Variants in KCNH1 observed in about 807,000 individuals in gnomAD.
KCNH1 encodes the protein voltage-gated delayed rectifier potassium channel KCNH1.
Under a neutral mutation model 69.2 loss-of-function variants are expected in KCNH1, and 27 were observed. That is an observed-to-expected ratio of 0.39 (90% CI 0.29 to 0.54). The LOEUF is 0.54. Among genes scored for constraint, KCNH1 ranks in the 20% least tolerant of loss-of-function variants. KCNH1 has a pLI of 0.68. For synonymous variants in KCNH1, 456 were observed against 487.7 expected, an observed-to-expected ratio of 0.93 and a Z score of 0.86; for missense variants, 798 against 1,261.6, an observed-to-expected ratio of 0.63 and a Z score of 5.57.
chr1:211,065,375 G>A (rs1281511138), intron 5 of KCNH1, among the ~76,000 whole-genome samples: 2 of 152,160 alleles, frequency 1.3e-5, no homozygotes, highest in African/African-American at 2.4e-5. Flanking sequence ...AGTGAAATAA[G>A]TCAAGCCCAG....
At chr1:210,841,029 C>G (rs1474844483) in intron 7 of KCNH1, among the ~76,000 whole-genome samples, 1 of 152,074 alleles carries the variant, frequency 6.6e-6, no homozygotes, top group Non-Finnish European at 1.5e-5. Context: ...TGGGGCAAAA[C>G]AGAGCGGTAG....
At chr1:211,091,532 A>G (rs555410700) in intron 3 of KCNH1, among the ~76,000 whole-genome samples, 1 of 152,294 alleles carries the variant, frequency 6.6e-6, no homozygotes, top group African/African-American at 2.4e-5. Flanking sequence ...TACAATGGTA[A>G]ATGACAAGGC....
intron 10 of KCNH1, among the ~76,000 whole-genome samples, chr1:210,706,742 C>T (rs879339401): frequency 2.6e-5 from 4 of 152,260 alleles, no homozygotes; most frequent in East Asian, 1.9e-4. Flanking sequence ...ACTAGCAATT[C>T]GTGCTAAGAA....
intron 9 of KCNH1, among the ~76,000 whole-genome samples, chr1:210,784,422 C>T (rs995049226): frequency 3.3e-5 from 5 of 152,194 alleles, no homozygotes; most frequent in African/African-American, 1.2e-4. Flanking sequence ...ATCTCATCAA[C>T]TTGTTTTCGC....
At chr1:211,005,573 C>T (rs900413466) in intron 6 of KCNH1, among the ~76,000 whole-genome samples, 5 of 152,058 alleles carry the variant, frequency 3.3e-5, no homozygotes, top group Non-Finnish European at 4.4e-5. Context: ...AAAAATAAAA[C>T]TTGATCTCTA....
chr1:210,726,493 G>A (rs1934622), intron 10 of KCNH1, among the ~76,000 whole-genome samples: 25,121 of 152,090 alleles, frequency 0.17, 2,180 homozygotes, highest in Admixed American at 0.22. Context: ...AGGGAGGCAA[G>A]CTCAACTTCT....
chr1:210,816,832 C>T (rs2102421162), intron 7 of KCNH1, among the ~76,000 whole-genome samples: 1 of 152,286 alleles, frequency 6.6e-6, no homozygotes, highest in South Asian at 2.1e-4. Flanking sequence ...TCTCACAAAA[C>T]TCGACGTTTA....
intron 7 of KCNH1, among the ~76,000 whole-genome samples, chr1:210,886,555 T>C (rs999557789): frequency 5.9e-5 from 9 of 151,928 alleles, no homozygotes; most frequent in African/African-American, 2.2e-4. Context: ...ATTTGACAAA[T>C]TGACAGAAGT....
At chr1:210,859,049 A>AT (rs551731520) in intron 7 of KCNH1, 62 of 523,452 alleles carry the variant, frequency 1.2e-4, no homozygotes, top group Non-Finnish European at 1.4e-4. Flanking sequence ...TGTTGTTGTG[A>AT]TTTTTTTTCT....
intron 7 of KCNH1, among the ~76,000 whole-genome samples, chr1:210,836,888 C>T (rs1385899972): frequency 6.6e-6 from 1 of 152,152 alleles, no homozygotes; most frequent in East Asian, 1.9e-4. Context: ...GATTAGGACC[C>T]TCATTTCTTT....
At chr1:210,820,878 A>G (rs1257055008) in intron 7 of KCNH1, among the ~76,000 whole-genome samples, 1 of 152,126 alleles carries the variant, frequency 6.6e-6, no homozygotes, top group Non-Finnish European at 1.5e-5. Flanking sequence ...AGACCAGGGG[A>G]CAGATTCTTC....
chr1:210,775,451 T>C lies in KCNH1; in HGVS notation c.2009A>G (p.His670Arg). 2 of 1,614,102 alleles carry C rather than the reference T, an allele frequency of 1.2e-6. No individual in the cohort carries two copies. Among genetic ancestry groups the C allele is most frequent in the Non-Finnish European group, 1.7e-6 (2 of 1,179,952 alleles). The change falls in exon 10 of 11, where the codon CAT becomes CGT. Residue 670 changes from histidine (H) to arginine (R), a missense_variant. Around this residue, in one of 4 missense-constraint regions of KCNH1, gnomAD observed 197 missense variants for 407.7 expected, o/e 0.48. Transcript: ENST00000271751. The part of the protein sequence containing the change: ...NVRALTYCDL[H>R]VIKRDALQKV... Reference sequence around the variant, plus strand: ...CTGCAGGGCATCCCGCTTGATCACATGCAGATCACAGTAGGTCAAGGCCCT... The same window carrying C: ...CTGCAGGGCATCCCGCTTGATCACACGCAGATCACAGTAGGTCAAGGCCCT...
At chr1:210,720,690 T>C (rs751508378) in intron 10 of KCNH1, among the ~76,000 whole-genome samples, 3 of 152,212 alleles carry the variant, frequency 2.0e-5, no homozygotes, top group Non-Finnish European at 4.4e-5. Context: ...ATTAATCATA[T>C]AGTGGCATCA....
chr1:211,119,275 GT>G (rs1405830506), intron 1 of KCNH1, among the ~76,000 whole-genome samples: 1 of 152,132 alleles, frequency 6.6e-6, no homozygotes, highest in Non-Finnish European at 1.5e-5. Context: ...CAGGAGAATG[GT>G]GTGAACCCAG....
At chr1:210,713,308 G>A (rs542992031) in intron 10 of KCNH1, among the ~76,000 whole-genome samples, 8 of 152,290 alleles carry the variant, frequency 5.3e-5, no homozygotes, top group Admixed American at 5.2e-4. Flanking sequence ...AGGAAAGATG[G>A]CAATATCAGC....
At chr1:210,769,851 CA>C (rs1338104331) in intron 10 of KCNH1, among the ~76,000 whole-genome samples, 1 of 152,066 alleles carries the variant, frequency 6.6e-6, no homozygotes, top group African/African-American at 2.4e-5. Context: ...CCAAGGGCAA[CA>C]AAGTGTGAAT....
At chr1:211,077,339 G>A (rs1030162893) in intron 5 of KCNH1, among the ~76,000 whole-genome samples, 1 of 152,068 alleles carries the variant, frequency 6.6e-6, no homozygotes, top group African/African-American at 2.4e-5. Context: ...AGGAAAAAAT[G>A]TTAAGGGCAG....
At chr1:210,752,065 G>T (rs1234371378) in intron 10 of KCNH1, among the ~76,000 whole-genome samples, 1 of 152,154 alleles carries the variant, frequency 6.6e-6, no homozygotes, top group Non-Finnish European at 1.5e-5. Flanking sequence ...TACACTGCAT[G>T]TTCTGTAACT....
chr1:210,951,082 T>A (rs977218647), intron 6 of KCNH1, among the ~76,000 whole-genome samples: 3 of 151,686 alleles, frequency 2.0e-5, no homozygotes, highest in African/African-American at 7.3e-5. Flanking sequence ...AGAAGGGGAG[T>A]ATTTCCACAC....
Sources: gnomAD v4.1 joint callset for allele counts (sites outside exome capture counted in the v4.1 genomes callset) on GRCh38, gnomAD v4.1.1 for gene constraint, gnomAD v4.1.1 regional missense constraint, MANE v1.5 for transcripts, NCBI Gene and HGNC (gene_info 2026-07-23, HGNC 2026-07-21) for gene names.